ZC2HC1A: variants seen among roughly 807,000 people sequenced by gnomAD.
The protein encoded by ZC2HC1A is zinc finger C2HC domain-containing protein 1A.
A neutral mutation model predicts 40.7 loss-of-function variants in ZC2HC1A; 28 were observed. That is an observed-to-expected ratio of 0.69 (90% CI 0.51 to 0.94). The LOEUF is 0.94. Among genes scored for constraint, ZC2HC1A ranks in the 40% least tolerant of loss-of-function variants. The pLI is 0.00. For missense variants in ZC2HC1A, 389 were observed against 386.3 expected (o/e 1.01, Z -0.06); for synonymous variants, 129 against 129.2 (o/e 1.00, Z 0.01).
At position 78,712,168 on chromosome 8, in the gene ZC2HC1A, A is replaced by G. The variant is rs543388746; in HGVS notation, c.705-3053A>G. ...AGATATTTCCTTAAAAGCTTTATAT[A>G]ATGGAATAACATAACTTTTACTGTC... On this transcript the variant is annotated intron_variant, in intron 7 of 8. Coordinates refer to ENST00000263849, the MANE Select transcript of ZC2HC1A (RefSeq NM_016010.3). 36 of 982,024 alleles carry G rather than the reference A, an allele frequency of 3.7e-5. No homozygotes were observed. In the African/African-American group the frequency reaches 5.5e-4, roughly 15 times the overall value. The allele number at this position is 982,024 out of a possible 1,614,324, so 60.8% of individuals were successfully genotyped here.
chr8:78,686,431 GTTTA>G (rs60056547), intron 3 of ZC2HC1A, 32 bp from the exon 4 acceptor site: 911,824 of 1,172,520 alleles, frequency 0.78, 351,415 homozygotes, highest in East Asian at 0.9. Context: ...GATACTGTTT[GTTTA>G]TTTATTTATT....
Position 78,677,862 on chromosome 8 carries a change from A to G in ZC2HC1A, c.94-701A>G, listed in dbSNP as rs185191048. 3.3e-3 allele frequency among the ~76,000 whole-genome samples: 506 copies of G among 152,318 alleles called. 1 individual carries two copies. Among genetic ancestry groups the G allele is most frequent in the African/African-American group, 0.012 (486 of 41,578 alleles). ...AAAGGAATGAAAGAACGGGTACTCCATAGACAGAGCAGCCCTGAAGGCTGC... is the reference window on the plus strand; with the variant it reads ...AAAGGAATGAAAGAACGGGTACTCCGTAGACAGAGCAGCCCTGAAGGCTGC... On this transcript the variant is annotated intron_variant, in intron 2 of 8. Transcript: ENST00000263849.
At chr8:78,696,442 A>T (rs1810417722) in intron 5 of ZC2HC1A, among the ~76,000 whole-genome samples, 1 of 152,258 alleles carries the variant, frequency 6.6e-6, no homozygotes, top group Non-Finnish European at 1.5e-5. Context: ...GGCTAGAACC[A>T]GCATGAGTCT....
Position 78,713,045 on chromosome 8 carries a change from C to G in ZC2HC1A, c.705-2176C>G, listed in dbSNP as rs143664677. On this transcript the variant is annotated intron_variant, in intron 7 of 8. Transcript: ENST00000263849. ...TGAGCCGTTTTTCATTTTGCTGATT[C>G]TACTGTCAGAACTCTCTGATGCAGA... 3.2e-4 allele frequency among the ~76,000 whole-genome samples: 48 copies of G among 152,194 alleles called. No individual in the cohort carries two copies. In the East Asian group the frequency reaches 8.9e-3, roughly 28 times the overall value.
chr8:78,667,917 GC>G (rs920508088), intron 1 of ZC2HC1A, among the ~76,000 whole-genome samples: 39 of 151,764 alleles, frequency 2.6e-4, no homozygotes, highest in Non-Finnish European at 3.2e-4. Context: ...ATGTTATAGG[GC>G]CCAGCTTATG....
intron 3 of ZC2HC1A, among the ~76,000 whole-genome samples, chr8:78,683,454 C>G (rs1183413896): frequency 6.6e-6 from 1 of 152,224 alleles, no homozygotes; most frequent in African/African-American, 2.4e-5. Context: ...GCTTGCACCT[C>G]TGAAGCCATG....
At chr8:78,667,055 G>A (rs769394639) in intron 1 of ZC2HC1A, among the ~76,000 whole-genome samples, 12 of 152,138 alleles carry the variant, frequency 7.9e-5, no homozygotes, top group Admixed American at 6.5e-5. Context: ...CCTTTCCCCC[G>A]TCTCCTAGTT....
At position 78,697,447 on chromosome 8, in the gene ZC2HC1A, C is replaced by T; in HGVS notation, c.545C>T (p.Thr182Ile). The change falls in exon 6 of 9, where the codon ACT (threonine) becomes ATT (isoleucine). Residue 182 changes from threonine to isoleucine, a missense_variant. Transcript: ENST00000263849. ...PALKKSNSPG[T>I]ASSGSSRLPQ... The stretch of plus-strand genomic sequence containing the variant: ...CTTAAAAAGTCAAATTCTCCTGGAA[C>T]TGCATCATCAGGATCTTCACGATTA... 6.2e-7 allele frequency: 1 copy of T among 1,609,708 alleles called. No individual in the cohort carries two copies. Among genetic ancestry groups the T allele is most frequent in the South Asian group, 1.1e-5 (1 of 90,138 alleles).
intron 4 of ZC2HC1A, among the ~76,000 whole-genome samples, chr8:78,687,668 T>TTACGTAA (rs1810045862): frequency 8.2e-6 from 1 of 121,970 alleles, no homozygotes; most frequent in Non-Finnish European, 1.6e-5. Flanking sequence ...TTATATATAT[T>TTACGTAA]TACGTAATAC....
rs117872912 is a variant in ZC2HC1A at position 78,697,633 on chromosome 8, G to C, written c.604+127G>C. 3.9e-3 allele frequency: 2,337 copies of C among 592,596 alleles called. 9 individuals carry two copies. Among genetic ancestry groups the C allele is most frequent in the Non-Finnish European group, 5.7e-3 (2,033 of 358,102 alleles). The allele number at this position is 592,596 out of a possible 1,614,324, so 36.7% of individuals were successfully genotyped here. A position where few individuals can be genotyped will look rare whatever the true frequency, so the allele number is the denominator to read the frequency against. ...AATTAAGAAGAGATGTAGAAGTTAA[G>C]TAATTATTTTTTAAAATAAGATAAC... is the stretch of plus-strand genomic sequence containing the variant. On this transcript the variant is annotated intron_variant, in intron 6 of 8. Coordinates refer to ENST00000263849, the MANE Select transcript of ZC2HC1A (RefSeq NM_016010.3).
At position 78,689,371 on chromosome 8, in the gene ZC2HC1A, G is replaced by T. The variant is rs574401853; in HGVS notation, c.502G>T (p.Val168Leu). 3 of 1,577,230 alleles carry T rather than the reference G, an allele frequency of 1.9e-6. No individual in the cohort carries two copies. ...TKGKPTSRTQ[V>L]YKPPALKKSN... Reference sequence around the variant, plus strand: ...AGGAAAACCAACTTCTCGGACACAGGTGGTAAGTTCAGTTTTAATAATTGC... The same window carrying T: ...AGGAAAACCAACTTCTCGGACACAGTTGGTAAGTTCAGTTTTAATAATTGC... Residue 168 changes from valine to leucine, a missense_variant and splice_region_variant, in exon 5 of 9, where the codon GTG (valine) becomes TTG (leucine). Physicochemically the swap from Val to Leu is conservative, Grantham distance 32. Coordinates refer to ENST00000263849, the MANE Select transcript of ZC2HC1A (RefSeq NM_016010.3).
chr8:78,692,033 G>T (rs1810229107), intron 5 of ZC2HC1A, among the ~76,000 whole-genome samples: 1 of 151,910 alleles, frequency 6.6e-6, no homozygotes, highest in Admixed American at 6.6e-5. Flanking sequence ...ACCATTTTTT[G>T]TGGTAAGAAC....
intron 5 of ZC2HC1A, among the ~76,000 whole-genome samples, chr8:78,694,468 G>A (rs1474334297): frequency 6.6e-6 from 1 of 152,000 alleles, no homozygotes; most frequent in African/African-American, 2.4e-5. Context: ...GGAAACATTT[G>A]AAATTAAATT....
At chr8:78,697,782 G>T (rs1254843094) in intron 6 of ZC2HC1A, among the ~76,000 whole-genome samples, 1 of 150,862 alleles carries the variant, frequency 6.6e-6, no homozygotes, top group Non-Finnish European at 1.5e-5. Context: ...AGGTTCAAAT[G>T]ATTCTCCTGC....
chr8:78,675,197 G>C (rs1809542218), intron 1 of ZC2HC1A, among the ~76,000 whole-genome samples: 1 of 151,432 alleles, frequency 6.6e-6, no homozygotes, highest in Admixed American at 6.6e-5. Flanking sequence ...TGTAAGGTCA[G>C]AATATCTCCA....
At chr8:78,701,303 T>C (rs576797408) in intron 7 of ZC2HC1A, among the ~76,000 whole-genome samples, 1 of 152,304 alleles carries the variant, frequency 6.6e-6, no homozygotes, top group African/African-American at 2.4e-5. Flanking sequence ...TAGCTGTTAT[T>C]AGTGTATAGG....
At position 78,697,472 on chromosome 8, in the gene ZC2HC1A, A is replaced by G; in HGVS notation, c.570A>G (p.Leu190=). 6.2e-7 allele frequency: 1 copy of G among 1,609,840 alleles called. No homozygotes were observed. The highest frequency in any genetic ancestry group is 8.5e-7 in the Non-Finnish European group (1 of 1,179,114). ...CTGCATCATCAGGATCTTCACGATT[A>G]CCGCAGCCAAGTGGCGCTGGCAAAA... ...PGTASSGSSR[L]PQPSGAGKTV... The change falls in exon 6 of 9, where the codon TTA becomes TTG. Residue 190 remains leucine (L), a synonymous_variant. Coordinates refer to ENST00000263849, the MANE Select transcript of ZC2HC1A (RefSeq NM_016010.3).
intron 4 of ZC2HC1A, among the ~76,000 whole-genome samples, chr8:78,687,351 T>A (rs1230209253): frequency 6.6e-6 from 1 of 151,206 alleles, no homozygotes; most frequent in Non-Finnish European, 1.5e-5. Flanking sequence ...TTTTTGACAT[T>A]TTATTGTAGA....
At chr8:78,712,834 T>A (rs919222229) in intron 7 of ZC2HC1A, among the ~76,000 whole-genome samples, 2 of 152,192 alleles carry the variant, frequency 1.3e-5, no homozygotes, top group Admixed American at 1.3e-4. Flanking sequence ...TGGAAAATAT[T>A]AAGCAGAGTA....
Sources: gnomAD v4.1 joint callset for allele counts (sites outside exome capture counted in the v4.1 genomes callset) on GRCh38, gnomAD v4.1.1 for gene constraint, MANE v1.5 for transcripts, NCBI Gene and HGNC (gene_info 2026-07-23, HGNC 2026-07-21) for gene names.